The following STAG3 variants were observed in gnomAD, a reference collection of about 807,000 sequenced individuals.
The protein encoded by STAG3 is STAG3 cohesin complex component.
Under a neutral mutation model 160.7 loss-of-function variants are expected in STAG3, and 101 were observed. The observed-to-expected ratio is 0.63, with a 90% CI of 0.54 to 0.74. The LOEUF (loss-of-function observed/expected upper bound fraction) is 0.74. Among genes scored for constraint, STAG3 ranks in the 30% least tolerant of loss-of-function variants. The probability of loss-of-function intolerance (pLI) is 0.00; values close to 1 mark genes in which losing one functional copy is unlikely to be tolerated. For synonymous variants in STAG3, 519 were observed against 585.0 expected (o/e 0.89, Z 1.63); for missense variants, 1,188 against 1,517.4 (o/e 0.78, Z 3.61).
intron 8 of STAG3, among the ~76,000 whole-genome samples, chr7:100,190,155 G>A (rs1800268325): frequency 1.3e-5 from 2 of 152,084 alleles, no homozygotes; most frequent in African/African-American, 2.4e-5. Context: ...AAATTGCCTC[G>A]CTTGGCTCAT....
intron 8 of STAG3, among the ~76,000 whole-genome samples, chr7:100,192,282 T>C (rs1380719728): frequency 1.3e-5 from 2 of 152,176 alleles, no homozygotes; most frequent in Non-Finnish European, 2.9e-5. Context: ...CCCAGCACTT[T>C]GGGAGGCTGA....
At chr7:100,201,557 G>C in intron 21 of STAG3, 1 of 637,322 alleles carries the variant, frequency 1.6e-6, no homozygotes, top group Non-Finnish European at 2.7e-6. Context: ...TGGAAGCCAA[G>C]GATAATATTG....
rs1801200083 is a variant in STAG3, at chr7:100,202,179, T to C, written c.2402T>C (p.Val801Ala). ...TTTCTTTTCCCCCTACAGGCTTTTG[T>C]CTTATTAAGTGATCTACTTCTCATC... ...VDTEIQEQAF[V>A]LLSDLLLIFS... Residue 801 changes from valine (V) to alanine (A), a missense_variant, in exon 24 of 34, where the codon GTC (valine) becomes GCC (alanine). Transcript: ENST00000615138. The C allele has an allele frequency of 1.2e-6, 2 of 1,612,690 alleles. No homozygotes were observed. Among genetic ancestry groups the C allele is most frequent in the Non-Finnish European group, 1.7e-6 (2 of 1,179,626 alleles).
At chr7:100,214,862 C>T (rs1320965373), downstream of STAG3, 1 of 152,104 alleles carries the variant, frequency 6.6e-6, no homozygotes, top group African/African-American at 2.4e-5. Flanking sequence ...GACAATGTCA[C>T]CTTCACTCTT....
At chr7:100,218,102 C>A (rs1424760520), downstream of STAG3, 2 of 149,958 alleles carry the variant, frequency 1.3e-5, no homozygotes, top group African/African-American at 2.4e-5. Context: ...TGCTAAGTAA[C>A]GGGTGCCTTC....
chr7:100,205,981 C>T (rs1197563971), intron 29 of STAG3, among the ~76,000 whole-genome samples: 1 of 152,056 alleles, frequency 6.6e-6, no homozygotes, highest in Admixed American at 6.6e-5. Context: ...TTCAGATCAC[C>T]TGTTGTCTTA....
chr7:100,181,382 T>A (rs1799634287), intron 2 of STAG3: 1 of 152,210 alleles, frequency 6.6e-6, no homozygotes. Context: ...TATATCAAAG[T>A]TATAAACTTG....
chr7:100,213,213 GACCCAATC>G, intron 32 of STAG3: 1 of 729,162 alleles, frequency 1.4e-6, no homozygotes, highest in Non-Finnish European at 1.7e-6. Context: ...GCACCCCTAT[GACCCAATC>G]ACCTCCCAAA....
At chr7:100,187,628 G>A (rs1800104701) in intron 5 of STAG3, among the ~76,000 whole-genome samples, 1 of 152,216 alleles carries the variant, frequency 6.6e-6, no homozygotes. Flanking sequence ...GTGGGCACAA[G>A]CATGCTTCTC....
intron 8 of STAG3, among the ~76,000 whole-genome samples, chr7:100,193,939 CTTTTTTT>C (rs57044186): frequency 2.0e-4 from 25 of 121,986 alleles, no homozygotes; most frequent in African/African-American, 2.7e-4. Context: ...TTAATCATTT[CTTTTTTT>C]TTTTTTTTTT....
chr7:100,202,684 C>T (rs1801251655), intron 25 of STAG3, 94 bp downstream of exon 25: 1 of 1,482,450 alleles, frequency 6.7e-7, no homozygotes, highest in Non-Finnish European at 9.0e-7. Flanking sequence ...GGGGGATATC[C>T]AATGGTTTCA....
chr7:100,204,069 A>G lies in STAG3; in HGVS notation c.2749A>G (p.Arg917Gly). The change falls in exon 26 of 34, where the codon AGG (arginine) becomes GGG (glycine). Residue 917 changes from arginine (R) to glycine (G), a missense_variant. By Grantham distance (125) the Arg-to-Gly change is moderately radical (BLOSUM62 -2). Coordinates refer to ENST00000615138, the MANE Select transcript of STAG3 (RefSeq NM_001282717.2). Reference protein sequence around the residue: ...DIIKETLTRARQIDRSHCSRI... With the variant: ...DIIKETLTRAGQIDRSHCSRI... ...TATCAAGGAAACATTAACTAGAGCA[A>G]GGCAGATTGACCGAAGTCATTGTTC... is the stretch of plus-strand genomic sequence containing the variant. 6.2e-7 allele frequency: 1 copy of G among 1,614,160 alleles called. No individual in the cohort carries two copies.
intron 1 of STAG3, among the ~76,000 whole-genome samples, chr7:100,178,559 G>A (rs1799423754): frequency 6.8e-6 from 1 of 147,412 alleles, no homozygotes; most frequent in Non-Finnish European, 1.5e-5. Context: ...CTGCCCTGCT[G>A]TCTGCCTTGC....
At chr7:100,183,301 A>C (rs903210214) in intron 4 of STAG3, among the ~76,000 whole-genome samples, 4 of 152,218 alleles carry the variant, frequency 2.6e-5, no homozygotes, top group African/African-American at 9.6e-5. Context: ...GGCGTGAGTC[A>C]CTGCACCTGG....
chr7:100,189,701 A>G, intron 8 of STAG3, 105 bp downstream of exon 8: 1 of 1,337,854 alleles, frequency 7.5e-7, no homozygotes, highest in Non-Finnish European at 1.0e-6. Flanking sequence ...GATCATGAAT[A>G]ATGGAGTCTG....
At chr7:100,206,245 T>C (rs1289170768) in intron 29 of STAG3, among the ~76,000 whole-genome samples, 2 of 152,026 alleles carry the variant, frequency 1.3e-5, no homozygotes, top group Non-Finnish European at 2.9e-5. Flanking sequence ...CTTGATCTCC[T>C]GACCTCATGA....
At chr7:100,186,637 T>G (rs1175642404) in intron 5 of STAG3, among the ~76,000 whole-genome samples, 2 of 152,048 alleles carry the variant, frequency 1.3e-5, no homozygotes, top group African/African-American at 2.4e-5. Flanking sequence ...TGAGCCAGGA[T>G]AGCGCCACTG....
chr7:100,197,099 G>A (rs1800737229), intron 9 of STAG3, 57 bp from the exon 10 acceptor site: 2 of 1,588,200 alleles, frequency 1.3e-6, no homozygotes, highest in South Asian at 1.1e-5. Context: ...TGGTAGGATG[G>A]AAAGTGAGTT....
rs1287334348 is a variant in STAG3, at chr7:100,211,785, C to T, written c.3519-10C>T. ...AGTTTGAAAAGCCAGTCTCTTTGCC[C>T]CTACATCAGACTCAGCCTTATGGAA... On this transcript the variant is annotated splice_polypyrimidine_tract_variant and intron_variant, in intron 31 of 33. Coordinates refer to ENST00000615138, the MANE Select transcript of STAG3 (RefSeq NM_001282717.2). 2.5e-6 allele frequency: 4 copies of T among 1,613,728 alleles called. No individual in the cohort carries two copies. The highest frequency in any genetic ancestry group is 1.6e-4 in the Middle Eastern group (1 of 6,062).
Sources: allele counts gnomAD v4.1 joint callset (sites outside exome capture counted in the v4.1 genomes callset), GRCh38; gene constraint gnomAD v4.1.1; transcripts MANE v1.5; gene names NCBI Gene and HGNC (gene_info 2026-07-23, HGNC 2026-07-21).